The following TDRD3 variants were observed in gnomAD, a reference collection of about 807,000 sequenced individuals.
The protein encoded by TDRD3 is tudor domain containing 3.
In TDRD3, 45 loss-of-function variants were observed where a neutral mutation model predicts 86.7. That is an observed-to-expected ratio of 0.52 (90% confidence interval 0.41 to 0.67). TDRD3 has a LOEUF of 0.67. Ranked by LOEUF, TDRD3 falls within the 30% of genes least tolerant of loss-of-function variation. The pLI, the probability that TDRD3 is intolerant of heterozygous loss-of-function variation, is 0.00. For synonymous variants in TDRD3, 298 were observed against 301.7 expected (o/e 0.99, Z 0.13); for missense variants, 814 against 889.0 (o/e 0.92, Z 1.07).
intron 3 of TDRD3, among the ~76,000 whole-genome samples, chr13:60,459,333 TTTAG>T (rs1444729880): frequency 6.6e-6 from 1 of 152,238 alleles, no homozygotes; most frequent in Non-Finnish European, 1.5e-5. Context: ...AAGTTGCCAC[TTTAG>T]TTAAATTTAC....
chr13:60,550,007 G>A (rs535711997), intron 12 of TDRD3, among the ~76,000 whole-genome samples: 107 of 152,108 alleles, frequency 7.0e-4, no homozygotes, highest in Non-Finnish European at 1.2e-3. Context: ...TGAATAGTAT[G>A]CCTGCATCAT....
chr13:60,478,962 C>T (rs1487446506), intron 5 of TDRD3, among the ~76,000 whole-genome samples: 1 of 151,814 alleles, frequency 6.6e-6, no homozygotes, highest in East Asian at 1.9e-4. Context: ...CACCACCATG[C>T]CTAGCTGATT....
In TDRD3 at chr13:60,438,383, T is replaced by A. The variant is rs1029994630; in HGVS notation, c.42-1305T>A. Reference sequence around the variant, plus strand: ...CTACCATCTATTCATTCTTACTGACTCATCGATATATTTGTATTTTCTCTG... The same window carrying A: ...CTACCATCTATTCATTCTTACTGACACATCGATATATTTGTATTTTCTCTG... On this transcript the variant is annotated intron_variant, in intron 1 of 13. Transcript: ENST00000377881. 7.2e-5 allele frequency among the ~76,000 whole-genome samples: 11 copies of A among 152,166 alleles called. No homozygotes were observed. The East Asian group carries it at 2.1e-3, about 29-fold the overall frequency.
intron 1 of TDRD3, among the ~76,000 whole-genome samples, chr13:60,431,175 C>T (rs1312166992): frequency 6.6e-6 from 1 of 151,760 alleles, no homozygotes; most frequent in African/African-American, 2.4e-5. Context: ...ATTTTATTTT[C>T]TTTGTTATCC....
At chr13:60,440,199 G>A (rs1359210571) in intron 2 of TDRD3, among the ~76,000 whole-genome samples, 10 of 151,918 alleles carry the variant, frequency 6.6e-5, no homozygotes, top group Admixed American at 4.6e-4. Flanking sequence ...AATACTTATT[G>A]TGGAACATTT....
At chr13:60,533,439 G>A (rs943625987) in intron 11 of TDRD3, among the ~76,000 whole-genome samples, 1 of 152,038 alleles carries the variant, frequency 6.6e-6, no homozygotes, top group African/African-American at 2.4e-5. Flanking sequence ...TCAGGAGTTC[G>A]AGACCAGCCT....
At chr13:60,548,123 C>T (rs1316068012) in intron 12 of TDRD3, among the ~76,000 whole-genome samples, 2 of 152,164 alleles carry the variant, frequency 1.3e-5, no homozygotes, top group Admixed American at 6.6e-5. Flanking sequence ...TCACTGAAAG[C>T]TTAACCTGAG....
At position 60,397,347 on chromosome 13, in the gene TDRD3, C is replaced by G. The variant is rs1317916793; in HGVS notation, c.-18C>G. On this transcript the variant is annotated 5_prime_UTR_variant, in exon 1 of 14. Transcript: ENST00000377881. ...CCCCCACCCCAGCCCCCCACCACCC[C>G]CGGCCTAAGCAGCTACCATGGCCCA... 5 of 1,479,946 alleles carry G rather than the reference C, an allele frequency of 3.4e-6. No homozygotes were observed. Among genetic ancestry groups the G allele is most frequent in the Admixed American group, 4.3e-5 (2 of 46,610 alleles). The allele number at this position is 1,479,946 out of a possible 1,614,324, so 91.7% of individuals were successfully genotyped here. A position where few individuals can be genotyped will look rare whatever the true frequency, so the allele number is the denominator to read the frequency against.
intron 12 of TDRD3, among the ~76,000 whole-genome samples, chr13:60,551,102 T>C (rs1958040928): frequency 6.6e-6 from 1 of 152,194 alleles, no homozygotes. Flanking sequence ...GGAAAGCCTT[T>C]CCTTTTGGTC....
At chr13:60,481,088 A>G (rs1956302912) in intron 5 of TDRD3, among the ~76,000 whole-genome samples, 1 of 152,126 alleles carries the variant, frequency 6.6e-6, no homozygotes, top group South Asian at 2.1e-4. Context: ...GCTGTCAGCA[A>G]AAGTGCTCTG....
At chr13:60,511,154 T>C (rs1269731384) in intron 10 of TDRD3, among the ~76,000 whole-genome samples, 2 of 152,190 alleles carry the variant, frequency 1.3e-5, no homozygotes, top group Non-Finnish European at 2.9e-5. Flanking sequence ...GTGAAAATGC[T>C]TTCACAATGT....
At chr13:60,481,348 TG>T (rs1355040719) in intron 5 of TDRD3, among the ~76,000 whole-genome samples, 2 of 131,598 alleles carry the variant, frequency 1.5e-5, no homozygotes, top group African/African-American at 5.7e-5. Flanking sequence ...TCCCTCTTTG[TG>T]TTTTTTTTTT....
chr13:60,457,177 A>G (rs564169696), intron 3 of TDRD3, among the ~76,000 whole-genome samples: 1 of 152,366 alleles, frequency 6.6e-6, no homozygotes, highest in African/African-American at 2.4e-5. Flanking sequence ...CTCATAGAAT[A>G]TTTCTGAATT....
intron 3 of TDRD3, among the ~76,000 whole-genome samples, chr13:60,449,180 A>C (rs1955477655): frequency 6.6e-6 from 1 of 152,142 alleles, no homozygotes; most frequent in East Asian, 1.9e-4. Flanking sequence ...TAAAAAGAAA[A>C]GGAATTGAAA....
Position 60,422,294 on chromosome 13 carries a change from A to G in TDRD3, c.42-17394A>G, listed in dbSNP as rs2137875698. On this transcript the variant is annotated intron_variant, in intron 1 of 13. Coordinates refer to ENST00000377881, the MANE Select transcript of TDRD3 (RefSeq NM_001146070.2). ...GATTCATAATATGCCCCCTAATGAA[A>G]CCAACCACTTCATTAAAGTATATAG... Among the ~76,000 whole-genome samples the G allele has an allele frequency of 1.3e-5, 2 of 152,300 alleles. 1 individual carries two copies. The highest frequency in any genetic ancestry group is 4.1e-4 in the South Asian group (2 of 4,820).
intron 12 of TDRD3, among the ~76,000 whole-genome samples, chr13:60,566,240 T>C (rs755793130): frequency 3.9e-5 from 6 of 152,036 alleles, no homozygotes; most frequent in Non-Finnish European, 7.4e-5. Flanking sequence ...CAGTATTCTT[T>C]ATATAAAGTG....
intron 11 of TDRD3, among the ~76,000 whole-genome samples, chr13:60,534,763 A>G (rs1267733624): frequency 6.6e-6 from 1 of 151,386 alleles, no homozygotes; most frequent in East Asian, 1.9e-4. Context: ...CCATCTCTAT[A>G]AAAAATACCA....
intron 7 of TDRD3, among the ~76,000 whole-genome samples, chr13:60,491,420 A>G (rs1956585953): frequency 6.6e-6 from 1 of 152,212 alleles, no homozygotes; most frequent in Non-Finnish European, 1.5e-5. Context: ...CAAAGGAATG[A>G]GTGTTGATAG....
chr13:60,465,484 G>A (rs1955898556), intron 4 of TDRD3, among the ~76,000 whole-genome samples: 1 of 152,096 alleles, frequency 6.6e-6, no homozygotes, highest in African/African-American at 2.4e-5. Context: ...CATTTGTTTT[G>A]TCAGTTGTGA....
Sources: gnomAD v4.1 joint callset for allele counts (sites outside exome capture counted in the v4.1 genomes callset) on GRCh38, gnomAD v4.1.1 for gene constraint, MANE v1.5 for transcripts, NCBI Gene and HGNC (gene_info 2026-07-23, HGNC 2026-07-21) for gene names.